CSMD3: variants seen among roughly 807,000 people sequenced by gnomAD.
CSMD3 encodes CUB and sushi domain-containing protein 3.
Under a neutral mutation model 435.2 loss-of-function variants are expected in CSMD3, and 177 were observed. The ratio of observed to expected loss-of-function variants is 0.41; its 90% CI spans 0.36 to 0.46. CSMD3 has a LOEUF of 0.46. CSMD3 is among the 20% of genes least tolerant of loss of function. The pLI is 0.34. For synonymous variants in CSMD3, 1,656 were observed against 1,520.5 expected, an observed-to-expected ratio of 1.09 and a Z score of -2.07; for missense variants, 4,265 against 4,504.6, an observed-to-expected ratio of 0.95 and a Z score of 1.52.
chr8:113,245,012 T>A (rs2093261089), intron 3 of CSMD3, among the ~76,000 whole-genome samples: 1 of 152,196 alleles, frequency 6.6e-6, no homozygotes, highest in South Asian at 2.1e-4. Flanking sequence ...AATCACTGTA[T>A]CTTTTATCAT....
At position 112,927,258 on chromosome 8, in the gene CSMD3, C is replaced by CA. The variant is rs967997731; in HGVS notation, c.1509-5508dup. Among the ~76,000 whole-genome samples the CA allele has an allele frequency of 6.9e-4, 102 of 147,426 alleles. 1 individual carries two copies. Among genetic ancestry groups the CA allele is most frequent in the African/African-American group, 2.3e-3 (91 of 40,200 alleles). ...CAGAAATTTTGAAAATTAAGATTAG[C>CA]AAAAAAAAAGTGAAAACCACTTAAG... On this transcript the variant is annotated intron_variant, in intron 9 of 70. Coordinates refer to ENST00000297405, the MANE Select transcript of CSMD3 (RefSeq NM_198123.2).
intron 1 of CSMD3, among the ~76,000 whole-genome samples, chr8:113,337,074 G>A (rs1052077545): frequency 1.3e-5 from 2 of 152,082 alleles, no homozygotes; most frequent in Non-Finnish European, 2.9e-5. Context: ...TTTGGGTACA[G>A]AAGGCAGGCT....
At chr8:112,447,176 T>C (rs1393640840) in intron 32 of CSMD3, among the ~76,000 whole-genome samples, 2 of 152,170 alleles carry the variant, frequency 1.3e-5, no homozygotes, top group Non-Finnish European at 2.9e-5. Flanking sequence ...CTTTGAGCCT[T>C]TGGATAAATA....
chr8:112,764,008 T>C (rs1379587937), intron 13 of CSMD3, among the ~76,000 whole-genome samples: 1 of 151,534 alleles, frequency 6.6e-6, no homozygotes, highest in Non-Finnish European at 1.5e-5. Context: ...TTTTATATCT[T>C]CAAAATGAAT....
At chr8:113,408,249 A>C (rs1049553838) in intron 1 of CSMD3, among the ~76,000 whole-genome samples, 1 of 152,194 alleles carries the variant, frequency 6.6e-6, no homozygotes, top group Admixed American at 6.5e-5. Flanking sequence ...TTGCTCTATG[A>C]GTCCATGTTC....
chr8:113,017,418 C>G (rs900108761), intron 6 of CSMD3, among the ~76,000 whole-genome samples: 11 of 143,100 alleles, frequency 7.7e-5, no homozygotes, highest in African/African-American at 3.0e-4. Flanking sequence ...AATGAAATAT[C>G]GCTTAATATT....
chr8:112,937,352 G>GTTTTT (rs5894122), intron 9 of CSMD3, among the ~76,000 whole-genome samples: 1 of 135,314 alleles, frequency 7.4e-6, no homozygotes, highest in African/African-American at 2.8e-5. Context: ...AGGTAATAAT[G>GTTTTT]TTTTTTTTTT....
intron 31 of CSMD3, among the ~76,000 whole-genome samples, chr8:112,481,231 G>A (rs957103856): frequency 1.3e-5 from 2 of 152,098 alleles, no homozygotes; most frequent in African/African-American, 4.8e-5. Flanking sequence ...AGGAGGAGCA[G>A]AAGAAGAAAA....
chr8:112,445,104 G>A (rs1486505856), intron 32 of CSMD3, among the ~76,000 whole-genome samples: 2 of 151,988 alleles, frequency 1.3e-5, no homozygotes, highest in Admixed American at 6.6e-5. Context: ...TTAGCTGGGT[G>A]TGGTGATGTG....
intron 22 of CSMD3, among the ~76,000 whole-genome samples, chr8:112,625,491 A>T (rs1167079365): frequency 1.3e-5 from 2 of 152,152 alleles, no homozygotes; most frequent in African/African-American, 4.8e-5. Context: ...AATATTTTAT[A>T]CCTGCAACAT....
Position 113,074,289 on chromosome 8 carries a change from T to C in CSMD3, c.917+24467A>G, listed in dbSNP as rs192097397. On this transcript the variant is annotated intron_variant, in intron 5 of 70. Coordinates refer to ENST00000297405, the MANE Select transcript of CSMD3 (RefSeq NM_198123.2). ...CTCTAAAATTGTAATGCATTATTAA[T>C]TCCATCTTCTTAAGCAAGTTGCCTG... Among the ~76,000 whole-genome samples, 19 of 151,954 alleles carry C rather than the reference T, an allele frequency of 1.3e-4. No homozygotes were observed. The East Asian group carries it at 3.7e-3, about 29-fold the overall frequency.
At chr8:112,598,511 A>G (rs1484611938) in intron 22 of CSMD3, among the ~76,000 whole-genome samples, 1 of 149,588 alleles carries the variant, frequency 6.7e-6, no homozygotes, top group Non-Finnish European at 1.5e-5. Flanking sequence ...AGAATTGGAA[A>G]AAACTACTTT....
intron 8 of CSMD3, among the ~76,000 whole-genome samples, chr8:112,949,414 T>G (rs537612692): frequency 6.6e-6 from 1 of 152,156 alleles, no homozygotes; most frequent in African/African-American, 2.4e-5. Flanking sequence ...TTTCTAGGTT[T>G]TTTGGCCACT....
rs540447418 is a variant in CSMD3, at chr8:112,310,987, C to T, written c.7876G>A (p.Ala2626Thr). 2 of 1,613,788 alleles carry T rather than the reference C, an allele frequency of 1.2e-6. No individual in the cohort carries two copies. Among genetic ancestry groups the T allele is most frequent in the Admixed American group, 1.7e-5 (1 of 60,010 alleles). Residue 2626 changes from alanine to threonine, a missense_variant, in exon 50 of 71, where the codon GCC becomes ACC. By Grantham distance (58) the Ala-to-Thr change is moderately conservative. Transcript: ENST00000297405. ...GCATAATATACTTCACCTTGACAGG[C>T]AGGGACTGGCGCATCCCATGCATGA... ...GYHAWDAPVP[A>T]CQAISCGIPK... is the part of the protein sequence containing the mutation.
intron 6 of CSMD3, among the ~76,000 whole-genome samples, chr8:112,983,871 G>A (rs1314746620): frequency 2.0e-5 from 3 of 151,984 alleles, no homozygotes; most frequent in Non-Finnish European, 4.4e-5. Flanking sequence ...AAGGGTTGCT[G>A]AGCAACTGGT....
At chr8:112,723,960 T>C (rs1269267578) in intron 13 of CSMD3, among the ~76,000 whole-genome samples, 1 of 151,918 alleles carries the variant, frequency 6.6e-6, no homozygotes, top group Non-Finnish European at 1.5e-5. Context: ...AGATCATCCG[T>C]TCACTCCCCA....
intron 31 of CSMD3, among the ~76,000 whole-genome samples, chr8:112,484,574 A>G (rs1269032388): frequency 6.6e-6 from 1 of 152,042 alleles, no homozygotes; most frequent in East Asian, 1.9e-4. Flanking sequence ...TTGAGGTCTC[A>G]CTTAAATGTA....
Position 112,941,181 on chromosome 8 carries a change from A to C in CSMD3, c.1508+6609T>G, listed in dbSNP as rs142347697. On this transcript the variant is annotated intron_variant, in intron 9 of 70. Transcript: ENST00000297405. ...TAAGATAACACAGGCAAAAACGCTAAGATATAACATTCTAGGAGGAAGAAA... is the reference window on the plus strand; with the variant it reads ...TAAGATAACACAGGCAAAAACGCTACGATATAACATTCTAGGAGGAAGAAA... Among the ~76,000 whole-genome samples the C allele has an allele frequency of 3.1e-3, 478 of 151,974 alleles. 2 individuals carry two copies. The highest frequency in any genetic ancestry group is 1.0e-2 in the African/African-American group (415 of 41,550).
intron 13 of CSMD3, among the ~76,000 whole-genome samples, chr8:112,785,378 T>G (rs934410652): frequency 2.0e-5 from 3 of 151,944 alleles, no homozygotes; most frequent in African/African-American, 7.2e-5. Flanking sequence ...TTCACCACTA[T>G]TATTCAACAT....
Sources: gnomAD v4.1 joint callset for allele counts (sites outside exome capture counted in the v4.1 genomes callset) on GRCh38, gnomAD v4.1.1 for gene constraint, MANE v1.5 for transcripts, NCBI Gene and HGNC (gene_info 2026-07-23, HGNC 2026-07-21) for gene names.